SRBD1: variants seen among roughly 807,000 people sequenced by gnomAD.
SRBD1 encodes S1 RNA-binding domain-containing protein 1.
A neutral mutation model predicts 115.3 loss-of-function variants in SRBD1; 88 were observed. That is an observed-to-expected ratio of 0.76 (90% confidence interval 0.64 to 0.91). The LOEUF is 0.91. Among genes scored for constraint, SRBD1 ranks in the 40% least tolerant of loss-of-function variants. The pLI is 0.00. For missense variants in SRBD1, 1,385 were observed against 1,177.4 expected, an observed-to-expected ratio of 1.18 and a Z score of -2.58; for synonymous variants, 509 against 407.7, an observed-to-expected ratio of 1.25 and a Z score of -2.99.
At chr2:45,539,755 T>C (rs1671875051) in intron 14 of SRBD1, among the ~76,000 whole-genome samples, 1 of 152,132 alleles carries the variant, frequency 6.6e-6, no homozygotes. Context: ...TGAAGCAACT[T>C]ACCATCAGTC....
intron 16 of SRBD1, among the ~76,000 whole-genome samples, chr2:45,462,649 T>TAA (rs540175863): frequency 1.5e-5 from 2 of 130,152 alleles, no homozygotes; most frequent in South Asian, 4.8e-4. Flanking sequence ...CCGTCTGTAC[T>TAA]AAAAAAAAAA....
intron 1 of SRBD1, among the ~76,000 whole-genome samples, chr2:45,607,641 C>T (rs1017590323): frequency 6.6e-6 from 1 of 151,914 alleles, no homozygotes; most frequent in Non-Finnish European, 1.5e-5. Flanking sequence ...AAAAAAAATT[C>T]ATATGAAGCA....
chr2:45,585,723 G>A lies in SRBD1; in HGVS notation c.700C>T (p.Arg234Cys), dbSNP rs759091169. ...IEPWVCANII[R>C]LFNDDNTIPF... ...ATTGTGTTATCATCATTAAAGAGAC[G>A]AATGATGTTGGCACAAACCCAAGGT... Residue 234 changes from arginine to cysteine, a missense_variant, in exon 5 of 21, where the codon CGT becomes TGT. By Grantham distance (180) the Arg-to-Cys change is radical (BLOSUM62 -3). Transcript: ENST00000263736. 11 of 1,611,108 alleles carry A rather than the reference G, an allele frequency of 6.8e-6. No individual in the cohort carries two copies. Among genetic ancestry groups the A allele is most frequent in the Admixed American group, 3.4e-5 (2 of 59,562 alleles).
At chr2:45,437,390 G>A (rs1490157689) in intron 16 of SRBD1, among the ~76,000 whole-genome samples, 3 of 147,336 alleles carry the variant, frequency 2.0e-5, no homozygotes, top group African/African-American at 7.6e-5. Flanking sequence ...ATAGATCAAT[G>A]GAATAGAAAG....
intron 1 of SRBD1, among the ~76,000 whole-genome samples, chr2:45,605,840 G>T (rs1188537698): frequency 2.0e-5 from 3 of 150,784 alleles, no homozygotes; most frequent in African/African-American, 7.3e-5. Flanking sequence ...GGAGGTGGAG[G>T]TTGCAGAGAG....
chr2:45,475,470 T>C (rs1669777677), intron 16 of SRBD1, among the ~76,000 whole-genome samples: 1 of 152,172 alleles, frequency 6.6e-6, no homozygotes, highest in African/African-American at 2.4e-5. Context: ...TTAAAATGAA[T>C]CCCAAAGTCT....
At chr2:45,581,923 T>A in intron 5 of SRBD1, 113 bp from the exon 6 acceptor site, 1 of 738,250 alleles carries the variant, frequency 1.4e-6, no homozygotes, top group Non-Finnish European at 2.3e-6. Flanking sequence ...CTTTATTGTC[T>A]CTGAACTGTT....
intron 16 of SRBD1, among the ~76,000 whole-genome samples, chr2:45,426,382 T>C (rs1668155544): frequency 6.6e-6 from 1 of 152,218 alleles, no homozygotes. Flanking sequence ...CCCATCTCCC[T>C]GGGACAGAGC....
chr2:45,405,875 G>A (rs1199580290), intron 19 of SRBD1, among the ~76,000 whole-genome samples: 7 of 152,034 alleles, frequency 4.6e-5, no homozygotes, highest in African/African-American at 1.4e-4. Context: ...GTTCTGAGAG[G>A]GTAAGCAATG....
intron 4 of SRBD1, among the ~76,000 whole-genome samples, chr2:45,588,233 C>G (rs969287572): frequency 6.6e-6 from 1 of 152,176 alleles, no homozygotes; most frequent in African/African-American, 2.4e-5. Flanking sequence ...CATTTGGAAT[C>G]CAAACTCCTT....
intron 16 of SRBD1, among the ~76,000 whole-genome samples, chr2:45,467,332 C>G (rs1421806774): frequency 6.6e-6 from 1 of 152,144 alleles, no homozygotes; most frequent in Non-Finnish European, 1.5e-5. Context: ...TAAAAACTCC[C>G]CTGCATAATC....
At chr2:45,576,181 C>T (rs964089389) in intron 7 of SRBD1, among the ~76,000 whole-genome samples, 1 of 152,124 alleles carries the variant, frequency 6.6e-6, no homozygotes, top group Non-Finnish European at 1.5e-5. Context: ...AGGATGAAGA[C>T]CTTTATGATA....
At chr2:45,412,239 T>G (rs957085857) in intron 19 of SRBD1, among the ~76,000 whole-genome samples, 2 of 152,078 alleles carry the variant, frequency 1.3e-5, no homozygotes, top group African/African-American at 2.4e-5. Context: ...ACTGTAAAAA[T>G]TTTTTTTCCA....
At chr2:45,391,361 T>C (rs1007756348) in intron 20 of SRBD1, among the ~76,000 whole-genome samples, 1 of 152,088 alleles carries the variant, frequency 6.6e-6, no homozygotes, top group Non-Finnish European at 1.5e-5. Flanking sequence ...AATTACACCA[T>C]TGACAAAACA....
At position 45,581,817 on chromosome 2, in the gene SRBD1, A is replaced by G. The variant is rs761377507; in HGVS notation, c.816-7T>C. On this transcript the variant is annotated splice_region_variant and splice_polypyrimidine_tract_variant and intron_variant, in intron 5 of 20. Coordinates refer to ENST00000263736, the MANE Select transcript of SRBD1 (RefSeq NM_018079.5). ...AACTTTCTTTGCAACAGCCCTGAAAAGAGAAACTTTTGTAATATACCAAAA... is the reference window on the plus strand; with the variant it reads ...AACTTTCTTTGCAACAGCCCTGAAAGGAGAAACTTTTGTAATATACCAAAA... The G allele has an allele frequency of 1.2e-6, 2 of 1,602,058 alleles. No homozygotes were observed. Among genetic ancestry groups the G allele is most frequent in the African/African-American group, 2.7e-5 (2 of 72,744 alleles).
chr2:45,506,926 T>C (rs1169451609), intron 14 of SRBD1, among the ~76,000 whole-genome samples: 1 of 152,214 alleles, frequency 6.6e-6, no homozygotes, highest in African/African-American at 2.4e-5. Context: ...GCTGTCTTTT[T>C]TCCCACACAC....
rs772268505 is a variant in SRBD1 at position 45,412,221 on chromosome 2, A to G, written c.2513+893T>C. ...TGATAACATCTAGGTGTGGCTATAT[A>G]GGAATTCACTGTAAAAATTTTTTTT... is the stretch of plus-strand genomic sequence containing the variant. On this transcript the variant is annotated intron_variant, in intron 19 of 20. Transcript: ENST00000263736. Among the ~76,000 whole-genome samples the G allele has an allele frequency of 1.4e-3, 208 of 152,228 alleles. 1 individual carries two copies. The highest frequency in any genetic ancestry group is 3.1e-3 in the Admixed American group (48 of 15,272).
chr2:45,523,855 C>CA (rs1671361487), intron 14 of SRBD1, among the ~76,000 whole-genome samples: 1 of 151,594 alleles, frequency 6.6e-6, no homozygotes, highest in East Asian at 1.9e-4. Flanking sequence ...ATATCAAAAT[C>CA]AAAAAAAGAC....
intron 16 of SRBD1, among the ~76,000 whole-genome samples, chr2:45,433,307 G>A (rs981471516): frequency 2.6e-5 from 4 of 152,072 alleles, no homozygotes; most frequent in Non-Finnish European, 5.9e-5. Flanking sequence ...ACTGTGTGAG[G>A]TAATACATTT....
Sources: allele counts gnomAD v4.1 joint callset (sites outside exome capture counted in the v4.1 genomes callset), GRCh38; gene constraint gnomAD v4.1.1; transcripts MANE v1.5; gene names NCBI Gene and HGNC (gene_info 2026-07-23, HGNC 2026-07-21).